ZNF439: variants seen among roughly 807,000 people sequenced by gnomAD.
ZNF439 encodes zinc finger protein 439.
Under a neutral mutation model 47.3 loss-of-function variants are expected in ZNF439, and 40 were observed. That is an observed-to-expected ratio of 0.85 (90% CI 0.66 to 1.10). The LOEUF is 1.10. Among genes scored for constraint, ZNF439 ranks in the 50% least tolerant of loss-of-function variants. The pLI is 0.00. For synonymous variants in ZNF439, 171 were observed against 198.8 expected (o/e 0.86, Z 1.18); for missense variants, 556 against 601.1 (o/e 0.93, Z 0.78).
At chr19:11,866,675 A>G (rs1976694527) in intron 3 of ZNF439, 78 bp downstream of exon 3, 9 of 1,418,462 alleles carry the variant, frequency 6.3e-6, no homozygotes, top group African/African-American at 4.3e-5. Context: ...AATAAGTAAA[A>G]CAAAGAACTA....
chr19:11,855,852 G>A (rs1213320765), intron 1 of ZNF439, among the ~76,000 whole-genome samples: 1 of 152,180 alleles, frequency 6.6e-6, no homozygotes, highest in Non-Finnish European at 1.5e-5. Flanking sequence ...TATGGGGGTT[G>A]ATGTCGTTGT....
intron 3 of ZNF439, 22 bp from the exon 4 acceptor site, chr19:11,867,284 A>G: frequency 6.3e-7 from 1 of 1,594,752 alleles, no homozygotes; most frequent in South Asian, 1.1e-5. Context: ...ACTCTTCATA[A>G]TTTGTTTCTC....
In ZNF439 at chr19:11,866,559, C is replaced by T; in HGVS notation, c.213C>T (p.Asn71=). 1.2e-6 allele frequency: 2 copies of T among 1,613,510 alleles called. No homozygotes were observed. The highest frequency in any genetic ancestry group is 1.7e-6 in the Non-Finnish European group (2 of 1,179,676). ...TAGGAAAAAAGTGGAAAGACCAGAA[C>T]ATTGAATATGAGTACCAAAACCCCA... is the stretch of plus-strand genomic sequence containing the variant. ...TSIGKKWKDQ[N]IEYEYQNPRR... Residue 71 remains asparagine (N), a synonymous_variant, in exon 3 of 4, where the codon AAC becomes AAT. Transcript: ENST00000682736.
At chr19:11,849,411 T>C (rs1276163487) in intron 1 of ZNF439, 1 of 576,914 alleles carries the variant, frequency 1.7e-6, no homozygotes, top group African/African-American at 2.0e-5. Context: ...AAACAGACTA[T>C]GTAAAATACA....
intron 1 of ZNF439, chr19:11,856,078 C>T (rs1314977735): frequency 6.6e-6 from 1 of 152,254 alleles, no homozygotes; most frequent in African/African-American, 2.4e-5. Flanking sequence ...CGGACCTTTC[C>T]ATTGTCCTTC....
chr19:11,858,880 G>T (rs1168575615), intron 1 of ZNF439, among the ~76,000 whole-genome samples: 1 of 152,138 alleles, frequency 6.6e-6, no homozygotes, highest in Non-Finnish European at 1.5e-5. Flanking sequence ...ATAGGATCAG[G>T]GTTTCCCTGT....
At chr19:11,853,271 G>C (rs150306050) in intron 1 of ZNF439, among the ~76,000 whole-genome samples, 19 of 152,226 alleles carry the variant, frequency 1.2e-4, no homozygotes, top group African/African-American at 4.3e-4. Flanking sequence ...TTTGATTTCA[G>C]GGTCGTTAGG....
At chr19:11,855,115 G>C (rs1360381254) in intron 1 of ZNF439, among the ~76,000 whole-genome samples, 1 of 152,162 alleles carries the variant, frequency 6.6e-6, no homozygotes, top group Non-Finnish European at 1.5e-5. Flanking sequence ...CAAGCAATCT[G>C]GGCAGCAGAC....
intron 3 of ZNF439, 58 bp from the exon 4 acceptor site, chr19:11,867,248 A>G: frequency 6.4e-7 from 1 of 1,559,932 alleles, no homozygotes; most frequent in Non-Finnish European, 8.7e-7. Context: ...ATACTTGCTG[A>G]TTAATATAAA....
Position 11,867,516 on chromosome 19 carries a change from A to G in ZNF439, c.462A>G (p.Glu154=). The change falls in exon 4 of 4, where the codon GAA becomes GAG. Residue 154 remains glutamate, a synonymous_variant. Transcript: ENST00000682736. ...GTGACACTGGACACAAGGCATGTGA[A>G]TGTCAGGAATATGGACCAAAGCCAT... The part of the protein sequence containing the change: ...IRGDTGHKAC[E]CQEYGPKPWK... The G allele has an allele frequency of 1.2e-6, 2 of 1,614,202 alleles. No individual in the cohort carries two copies. The highest frequency in any genetic ancestry group is 1.7e-6 in the Non-Finnish European group (2 of 1,180,032).
intron 1 of ZNF439, among the ~76,000 whole-genome samples, chr19:11,854,038 AGTT>A (rs1373587959): frequency 3.9e-5 from 6 of 152,186 alleles, no homozygotes; most frequent in Non-Finnish European, 1.5e-5. Context: ...TTGTATTCTA[AGTT>A]GTTTACACAA....
chr19:11,862,704 C>T (rs970616481), intron 1 of ZNF439, among the ~76,000 whole-genome samples: 7 of 151,928 alleles, frequency 4.6e-5, no homozygotes, highest in East Asian at 1.9e-4. Context: ...TTTCATCTAC[C>T]GCAACAGGTA....
At chr19:11,859,874 A>G (rs1039578552) in intron 1 of ZNF439, among the ~76,000 whole-genome samples, 1 of 152,156 alleles carries the variant, frequency 6.6e-6, no homozygotes, top group Non-Finnish European at 1.5e-5. Context: ...GGGACAAAAG[A>G]TTCTTTCAGA....
chr19:11,850,418 T>C (rs1976204273), intron 1 of ZNF439: 2 of 152,260 alleles, frequency 1.3e-5, no homozygotes, highest in Admixed American at 1.3e-4. Context: ...AAGGCTAGGC[T>C]TTTATAAGGT....
Position 11,869,198 on chromosome 19 carries a change from T to A in ZNF439, c.*629T>A. ...TTTCACTTCTTCCAGTTCTTTTCAA[T>A]ATCATGAAAGGACTCACACTGGGGA... is the stretch of plus-strand genomic sequence containing the variant. On this transcript the variant is annotated 3_prime_UTR_variant, in exon 4 of 4. Transcript: ENST00000682736. 4.5e-6 allele frequency: 1 copy of A among 221,378 alleles called. No homozygotes were observed. 13.7% of individuals were successfully genotyped at this position (221,378 alleles called of 1,614,324 possible).
In ZNF439 at chr19:11,867,757, C is replaced by G; in HGVS notation, c.703C>G (p.Leu235Val). 3 of 1,614,156 alleles carry G rather than the reference C, an allele frequency of 1.9e-6. No individual in the cohort carries two copies. In the Admixed American group the frequency reaches 5.0e-5, roughly 27 times the overall value. The change falls in exon 4 of 4, where the codon CTT becomes GTT. Residue 235 changes from leucine (L) to valine (V), a missense_variant. Leu to Val is a conservative substitution (Grantham distance 32, BLOSUM62 1). Transcript: ENST00000682736. ...GKAFHCLSLY[L>V]IHERTHTGEK... Reference sequence around the variant, plus strand: ...AGCATTCCATTGTCTCAGTTTATATCTTATCCATGAAAGAACTCACACTGG... The same window carrying G: ...AGCATTCCATTGTCTCAGTTTATATGTTATCCATGAAAGAACTCACACTGG...
rs776351204 is a variant in ZNF439, at chr19:11,868,016, A to G, written c.962A>G (p.His321Arg). 1.1e-5 allele frequency: 17 copies of G among 1,614,218 alleles called. No individual in the cohort carries two copies. The highest frequency in any genetic ancestry group is 9.9e-5 in the South Asian group (9 of 91,086). Residue 321 changes from histidine (H) to arginine (R), a missense_variant, in exon 4 of 4, where the codon CAT (histidine) becomes CGT (arginine). By Grantham distance (29) the His-to-Arg change is conservative. Coordinates refer to ENST00000682736, the MANE Select transcript of ZNF439 (RefSeq NM_001348719.2). ...ATGTGTCCCCGTTATGTTCGTAGAC[A>G]TGAAAGGACCCACTCTAGGAAAAAA... is the stretch of plus-strand genomic sequence containing the variant. ...AFMCPRYVRRHERTHSRKKLY... is the reference protein window; with the variant it reads ...AFMCPRYVRRRERTHSRKKLY...
At chr19:11,849,007 C>G (rs1976152205) in intron 1 of ZNF439, 77 bp downstream of exon 1, 1 of 1,413,328 alleles carries the variant, frequency 7.1e-7, no homozygotes. Flanking sequence ...TCCCTGTGGG[C>G]GACTCCGGGG....
chr19:11,866,323 C>T lies in ZNF439; in HGVS notation c.182C>T (p.Thr61Ile). The T allele has an allele frequency of 6.2e-7, 1 of 1,614,074 alleles. No homozygotes were observed. The part of the protein sequence containing the change: ...EVMLETFWNL[T>I]SIGKKWKDQN... ...ATGCTGGAAACTTTCTGGAACCTGA[C>T]CTCTATAGGTAAGGATGACAATATT... The change falls in exon 2 of 4, where the codon ACC (threonine) becomes ATC (isoleucine). Residue 61 changes from threonine to isoleucine, a missense_variant. Thr to Ile is a moderately conservative substitution (Grantham distance 89). Coordinates refer to ENST00000682736, the MANE Select transcript of ZNF439 (RefSeq NM_001348719.2).
Sources: gnomAD v4.1 joint callset for allele counts (sites outside exome capture counted in the v4.1 genomes callset) on GRCh38, gnomAD v4.1.1 for gene constraint, MANE v1.5 for transcripts, NCBI Gene and HGNC (gene_info 2026-07-23, HGNC 2026-07-21) for gene names.